DLGAP2: variants seen among roughly 807,000 people sequenced by gnomAD.
DLGAP2 encodes DLG associated protein 2, also known as disks large-associated protein 2.
Under a neutral mutation model 100.3 loss-of-function variants are expected in DLGAP2, and 26 were observed. That is an observed-to-expected ratio of 0.26 (90% CI 0.19 to 0.36). DLGAP2 has a LOEUF of 0.36. Among genes scored for constraint, DLGAP2 ranks in the 10% least tolerant of loss-of-function variants. DLGAP2 has a pLI of 1.00. For missense variants in DLGAP2, 1,858 were observed against 1,453.2 expected (o/e 1.28, Z -4.53); for synonymous variants, 886 against 630.1 (o/e 1.41, Z -6.08).
At chr8:789,602 G>A (rs1821971278) in intron 1 of DLGAP2, among the ~76,000 whole-genome samples, 2 of 152,174 alleles carry the variant, frequency 1.3e-5, no homozygotes, top group Admixed American at 6.5e-5. Context: ...TTTCAGTTAG[G>A]TAATTCTTAT....
At chr8:1,539,588 C>G (rs902350527) in intron 4 of DLGAP2, among the ~76,000 whole-genome samples, 1 of 151,910 alleles carries the variant, frequency 6.6e-6, no homozygotes, top group Non-Finnish European at 1.5e-5. Context: ...TGTGATGGGG[C>G]CACCTTCTCC....
At chr8:1,432,924 C>T (rs1056892609) in intron 3 of DLGAP2, among the ~76,000 whole-genome samples, 6 of 152,144 alleles carry the variant, frequency 3.9e-5, no homozygotes, top group East Asian at 1.9e-4. Context: ...TGGCGAGCAT[C>T]GAGGCGCGGA....
chr8:1,262,767 C>T (rs535772547), intron 3 of DLGAP2, among the ~76,000 whole-genome samples: 2 of 152,210 alleles, frequency 1.3e-5, no homozygotes, highest in South Asian at 4.1e-4. Context: ...AATTTAATAT[C>T]GGAAAATAAT....
chr8:872,998 C>T (rs1383024693), intron 1 of DLGAP2, among the ~76,000 whole-genome samples: 1 of 152,060 alleles, frequency 6.6e-6, no homozygotes, highest in Non-Finnish European at 1.5e-5. Flanking sequence ...CTGTAGAGTA[C>T]ATATAAAGCT....
chr8:1,177,815 C>T (rs1021723620), intron 2 of DLGAP2, among the ~76,000 whole-genome samples: 1 of 152,166 alleles, frequency 6.6e-6, no homozygotes, highest in Non-Finnish European at 1.5e-5. Flanking sequence ...AGGGAGCTCT[C>T]CAGGGCCTCT....
chr8:973,960 C>T (rs1259085137), intron 2 of DLGAP2, among the ~76,000 whole-genome samples: 3 of 151,558 alleles, frequency 2.0e-5, no homozygotes, highest in Middle Eastern at 3.2e-3. Context: ...GCGCGCAGAC[C>T]GGGCCACTCG....
chr8:1,435,135 T>G (rs1448856943), intron 3 of DLGAP2, among the ~76,000 whole-genome samples: 1 of 152,250 alleles, frequency 6.6e-6, no homozygotes, highest in Non-Finnish European at 1.5e-5. Flanking sequence ...TCCTCTTGTA[T>G]TTTGTGAACA....
At chr8:1,466,868 T>G (rs1258873481) in intron 3 of DLGAP2, among the ~76,000 whole-genome samples, 1 of 152,144 alleles carries the variant, frequency 6.6e-6, no homozygotes, top group Non-Finnish European at 1.5e-5. Flanking sequence ...TTTCTTTCTT[T>G]TTTCTACTTT....
In DLGAP2 at chr8:1,568,685, T is replaced by A. The variant is rs1365017800; in HGVS notation, c.1442+2791T>A. Among the ~76,000 whole-genome samples the A allele has an allele frequency of 1.1e-4, 10 of 87,974 alleles. 1 individual carries two copies. The highest frequency in any genetic ancestry group is 3.2e-4 in the African/African-American group (7 of 21,754). 57.7% of individuals were successfully genotyped at this position (87,974 alleles called of 152,430 possible). A position where few individuals can be genotyped will look rare whatever the true frequency, so the allele number is the denominator to read the frequency against. ...TGTCCACTCAGCAGACACAAATCCG[T>A]CTCTGCCCGTGGCCCCCATGCCACT... On this transcript the variant is annotated intron_variant, in intron 6 of 14. Coordinates refer to ENST00000637795, the MANE Select transcript of DLGAP2 (RefSeq NM_001346810.2).
chr8:1,639,492 C>G (rs1385591907), intron 8 of DLGAP2, among the ~76,000 whole-genome samples: 2 of 152,216 alleles, frequency 1.3e-5, no homozygotes, highest in Middle Eastern at 3.2e-3. Context: ...AGCCCAGGTT[C>G]CTGGTGTCCA....
At chr8:1,418,548 C>G (rs1235010457) in intron 3 of DLGAP2, among the ~76,000 whole-genome samples, 1 of 152,188 alleles carries the variant, frequency 6.6e-6, no homozygotes, top group Admixed American at 6.5e-5. Context: ...CTTCACCTGG[C>G]TGCCAGTGCT....
At chr8:1,101,276 G>C (rs920800176) in intron 2 of DLGAP2, among the ~76,000 whole-genome samples, 1 of 152,216 alleles carries the variant, frequency 6.6e-6, no homozygotes, top group Non-Finnish European at 1.5e-5. Flanking sequence ...ACCAACACAG[G>C]GTGGGGGGCC....
chr8:986,327 T>TA (rs555200311), intron 2 of DLGAP2, among the ~76,000 whole-genome samples: 19 of 151,944 alleles, frequency 1.3e-4, no homozygotes, highest in South Asian at 1.0e-3. Context: ...TTTCTTTTTT[T>TA]AAAAAATTTC....
At chr8:1,353,475 C>T (rs1801781197) in intron 3 of DLGAP2, among the ~76,000 whole-genome samples, 1 of 152,166 alleles carries the variant, frequency 6.6e-6, no homozygotes, top group Admixed American at 6.5e-5. Context: ...TGATCTTGCC[C>T]CGCTGCAGGC....
At chr8:752,538 C>T (rs1338595446) in intron 1 of DLGAP2, among the ~76,000 whole-genome samples, 5 of 152,188 alleles carry the variant, frequency 3.3e-5, no homozygotes, top group Admixed American at 2.0e-4. Context: ...GGGGTCAGCA[C>T]CAGCCGCCTA....
At chr8:1,676,154 C>T (rs1188922201) in intron 10 of DLGAP2, among the ~76,000 whole-genome samples, 7 of 152,280 alleles carry the variant, frequency 4.6e-5, no homozygotes, top group South Asian at 2.1e-4. Context: ...TATTTGTTGT[C>T]ATTAGCTGTG....
At position 1,626,233 on chromosome 8, in the gene DLGAP2, AT is replaced by A. The variant is rs1563265151; in HGVS notation, c.1443-506del. On this transcript the variant is annotated intron_variant, in intron 6 of 14. Transcript: ENST00000637795. ...GGGTGTGGGTTGGACGGCTGTTCCCATCTCTACCCTGCAGCGGGTGCTCACC... is the reference window on the plus strand; with the variant it reads ...GGGTGTGGGTTGGACGGCTGTTCCCACTCTACCCTGCAGCGGGTGCTCACC... Among the ~76,000 whole-genome samples, 37 of 134,076 alleles carry A rather than the reference AT, an allele frequency of 2.8e-4. 2 individuals carry two copies. The highest frequency in any genetic ancestry group is 1.0e-3 in the African/African-American group (33 of 33,122). The allele number at this position is 134,076 out of a possible 152,430, so 88.0% of individuals were successfully genotyped here.
chr8:743,490 G>A (rs1820538529), intron 1 of DLGAP2, among the ~76,000 whole-genome samples: 1 of 152,082 alleles, frequency 6.6e-6, no homozygotes, highest in Non-Finnish European at 1.5e-5. Context: ...TCTTGATTTG[G>A]TTTCTTTGAA....
intron 3 of DLGAP2, among the ~76,000 whole-genome samples, chr8:1,344,573 A>G (rs918371527): frequency 1.3e-5 from 2 of 152,142 alleles, no homozygotes; most frequent in African/African-American, 4.8e-5. Context: ...CTATGGAGTA[A>G]TTCCTATGAT....
Sources: gnomAD v4.1 joint callset for allele counts (sites outside exome capture counted in the v4.1 genomes callset) on GRCh38, gnomAD v4.1.1 for gene constraint, MANE v1.5 for transcripts, NCBI Gene and HGNC (gene_info 2026-07-23, HGNC 2026-07-21) for gene names.